The following FREM1 variants were observed in gnomAD, a reference collection of about 807,000 sequenced individuals.
The protein encoded by FREM1 is FRAS1 related extracellular matrix 1, also known as FRAS1-related extracellular matrix protein 1.
A neutral mutation model predicts 210.1 loss-of-function variants in FREM1; 220 were observed. The observed-to-expected ratio is 1.05, with a 90% CI of 0.94 to 1.17. The LOEUF is 1.17. Among genes scored for constraint, FREM1 ranks in the 50% most tolerant of loss-of-function variants. The pLI is 0.00. For synonymous variants in FREM1, 1,189 were observed against 980.2 expected, an observed-to-expected ratio of 1.21 and a Z score of -3.98; for missense variants, 3,454 against 2,675.5, an observed-to-expected ratio of 1.29 and a Z score of -6.42.
In FREM1 at chr9:14,833,258, A is replaced by G. The variant is rs369243763; in HGVS notation, c.1881+8189T>C. 5.4e-4 allele frequency among the ~76,000 whole-genome samples: 82 copies of G among 152,258 alleles called. 1 individual carries two copies. In the East Asian group the frequency reaches 0.015, roughly 28 times the overall value. On this transcript the variant is annotated intron_variant, in intron 10 of 36. Coordinates refer to ENST00000380880, the MANE Select transcript of FREM1 (RefSeq NM_001379081.2). ...TCAAAATCTTGTAGCCTCCAGCTGC[A>G]TGGCTCCTGGGCCATGGTTTCTAAT... is the stretch of plus-strand genomic sequence containing the variant.
At chr9:14,834,313 C>A (rs1824138309) in intron 10 of FREM1, among the ~76,000 whole-genome samples, 1 of 152,146 alleles carries the variant, frequency 6.6e-6, no homozygotes, top group African/African-American at 2.4e-5. Flanking sequence ...ACTACACCTT[C>A]TTCTCCCATG....
chr9:14,847,645 T>C (rs908666712), intron 7 of FREM1, among the ~76,000 whole-genome samples: 1 of 152,174 alleles, frequency 6.6e-6, no homozygotes, highest in East Asian at 1.9e-4. Flanking sequence ...ATAATAATTT[T>C]AGATGCATTC....
chr9:14,864,669 T>C (rs1831187755), intron 2 of FREM1, among the ~76,000 whole-genome samples: 1 of 152,214 alleles, frequency 6.6e-6, no homozygotes, highest in South Asian at 2.1e-4. Context: ...CTCCCACCCA[T>C]ATCATGCCCT....
intron 15 of FREM1, 147 bp from the exon 16 acceptor site, chr9:14,813,211 C>G: frequency 1.2e-6 from 1 of 823,308 alleles, no homozygotes; most frequent in Non-Finnish European, 1.8e-6. Flanking sequence ...GCCAAGTAAT[C>G]TGTGTCTTTT....
chr9:14,776,271 T>C lies in FREM1; in HGVS notation c.4443-68A>G, dbSNP rs552511984. On this transcript the variant is annotated intron_variant, in intron 24 of 36. Coordinates refer to ENST00000380880, the MANE Select transcript of FREM1 (RefSeq NM_001379081.2). Reference sequence around the variant, plus strand: ...GTCACCATCTACTGGAATGAAATGATAACAATACACACCTTTACTAAAGGG... The same window carrying C: ...GTCACCATCTACTGGAATGAAATGACAACAATACACACCTTTACTAAAGGG... The C allele has an allele frequency of 2.0e-5, 30 of 1,467,298 alleles. No individual in the cohort carries two copies. In the East Asian group the frequency reaches 6.1e-4, roughly 30 times the overall value. The allele number at this position is 1,467,298 out of a possible 1,614,324, so 90.9% of individuals were successfully genotyped here.
chr9:14,801,479 G>A (rs1203523961), intron 20 of FREM1, among the ~76,000 whole-genome samples, 173 bp downstream of exon 20: 4 of 152,096 alleles, frequency 2.6e-5, no homozygotes, highest in Admixed American at 6.6e-5. Context: ...CTGTCTAACC[G>A]AAATTTCATA....
intron 13 of FREM1, among the ~76,000 whole-genome samples, chr9:14,822,660 C>T (rs563803455): frequency 2.6e-5 from 4 of 152,280 alleles, no homozygotes; most frequent in South Asian, 2.1e-4. Flanking sequence ...CTTTGTAGTT[C>T]GGTTTTAATG....
chr9:14,888,335 A>T (rs1450910691), intron 1 of FREM1, among the ~76,000 whole-genome samples: 1 of 152,174 alleles, frequency 6.6e-6, no homozygotes, highest in African/African-American at 2.4e-5. Context: ...CACTACTGTT[A>T]TATATACACT....
chr9:14,832,989 T>G (rs1170500068), intron 10 of FREM1, among the ~76,000 whole-genome samples: 2 of 152,172 alleles, frequency 1.3e-5, no homozygotes, highest in African/African-American at 4.8e-5. Flanking sequence ...GTAACAAACT[T>G]GGCTATGGGC....
chr9:14,898,735 C>T (rs567420389), intron 1 of FREM1, among the ~76,000 whole-genome samples: 1 of 152,238 alleles, frequency 6.6e-6, no homozygotes, highest in Admixed American at 6.5e-5. Flanking sequence ...GAGACTCTGT[C>T]TCAAAACAAA....
intron 36 of FREM1, 37 bp downstream of exon 36, chr9:14,740,112 C>A: frequency 7.2e-7 from 1 of 1,387,604 alleles, no homozygotes; most frequent in Non-Finnish European, 1.0e-6. Context: ...ATGTCCTTGC[C>A]TCCCTCCTCA....
At chr9:14,900,871 T>C (rs1248527783) in intron 1 of FREM1, among the ~76,000 whole-genome samples, 2 of 152,224 alleles carry the variant, frequency 1.3e-5, no homozygotes, top group African/African-American at 4.8e-5. Context: ...AGGAGGACTC[T>C]GGGGTCCTTG....
intron 36 of FREM1, 57 bp from the exon 37 acceptor site, chr9:14,737,652 C>A: frequency 7.5e-7 from 1 of 1,327,260 alleles, no homozygotes; most frequent in Admixed American, 3.0e-5. Flanking sequence ...ACTTAGATAT[C>A]ATATCCAGCT....
At chr9:14,738,743 C>T (rs75382188) in intron 36 of FREM1, among the ~76,000 whole-genome samples, 16,284 of 152,132 alleles carry the variant, frequency 0.11, 1,075 homozygotes, top group Non-Finnish European at 0.15. Flanking sequence ...GGTGCGGTGG[C>T]TCATGCCTGC....
At chr9:14,824,246 T>C in intron 11 of FREM1, 131 bp from the exon 12 acceptor site, 1 of 606,960 alleles carries the variant, frequency 1.6e-6, no homozygotes, top group South Asian at 2.2e-5. Flanking sequence ...ATATTCTCTC[T>C]TTATGTTGGG....
intron 5 of FREM1, among the ~76,000 whole-genome samples, chr9:14,854,200 G>C (rs1020808375): frequency 5.9e-5 from 9 of 152,096 alleles, no homozygotes; most frequent in African/African-American, 1.9e-4. Context: ...ATAAGGAATT[G>C]TCAAATAAGA....
intron 1 of FREM1, among the ~76,000 whole-genome samples, chr9:14,890,106 T>C (rs1564179617): frequency 6.6e-6 from 1 of 152,202 alleles, no homozygotes; most frequent in Non-Finnish European, 1.5e-5. Context: ...TAACCTGCTG[T>C]TCAGGGGAGA....
intron 10 of FREM1, among the ~76,000 whole-genome samples, chr9:14,840,502 G>T (rs118008719): frequency 6.6e-6 from 1 of 152,164 alleles, no homozygotes; most frequent in Non-Finnish European, 1.5e-5. Context: ...GAGAGAGCGC[G>T]CAAGCTTGTA....
In FREM1 at chr9:14,740,225, G is replaced by A. The variant is rs1841295883; in HGVS notation, c.6264C>T (p.Gly2088=). The A allele has an allele frequency of 1.2e-6, 2 of 1,612,124 alleles. No homozygotes were observed. The highest frequency in any genetic ancestry group is 8.5e-7 in the Non-Finnish European group (1 of 1,178,648). The change falls in exon 36 of 37, where the codon GGC becomes GGT. Residue 2088 remains glycine (G), a synonymous_variant. Transcript: ENST00000380880. ...AAQACREQYL[G]NLVTVFSRQH... is the part of the protein sequence containing the mutation. ...GCCTGGAGAATACAGTTACAAGGTT[G>A]CCCAGGTATCTAAATGCAAATGAAA...
Sources: gnomAD v4.1 joint callset for allele counts (sites outside exome capture counted in the v4.1 genomes callset) on GRCh38, gnomAD v4.1.1 for gene constraint, MANE v1.5 for transcripts, NCBI Gene and HGNC (gene_info 2026-07-23, HGNC 2026-07-21) for gene names.